Variants in SLC17A7 observed in about 807,000 individuals in gnomAD.
SLC17A7 encodes vesicular glutamate transporter 1.
Under a neutral mutation model 59.1 loss-of-function variants are expected in SLC17A7, and 15 were observed. The ratio of observed to expected loss-of-function variants is 0.25; its 90% CI spans 0.17 to 0.39. The LOEUF (loss-of-function observed/expected upper bound fraction) is 0.39, where lower values mean the gene tolerates loss of function less well. Among genes scored for constraint, SLC17A7 ranks in the 10% least tolerant of loss-of-function variants. The pLI is 1.00. For missense variants in SLC17A7, 499 were observed against 765.1 expected, an observed-to-expected ratio of 0.65 and a Z score of 4.10; for synonymous variants, 353 against 308.9, an observed-to-expected ratio of 1.14 and a Z score of -1.50.
chr19:49,433,687 A>ATC lies in SLC17A7; in HGVS notation c.867+37_867+38dup. On this transcript the variant is annotated intron_variant, in intron 7 of 11. Transcript: ENST00000221485. The surrounding 1 kb of genome is among the most constrained non-coding windows in gnomAD (Gnocchi z 5.7). ...ACGCTGTGCAGGTTCGTGGCTTGCT[A>ATC]TCTCTCCCCGCCCCTTCCCCGAAGA... 1 of 1,613,696 alleles carries ATC rather than the reference A, an allele frequency of 6.2e-7. No homozygotes were observed. Among genetic ancestry groups the ATC allele is most frequent in the South Asian group, 1.1e-5 (1 of 91,028 alleles).
chr19:49,439,655 T>C (rs556488096), intron 1 of SLC17A7, among the ~76,000 whole-genome samples: 101 of 152,306 alleles, frequency 6.6e-4, no homozygotes, highest in Non-Finnish European at 1.3e-3. Context: ...ACCTGTTGTC[T>C]CTAATATGGG....
Position 49,431,536 on chromosome 19 carries a change from AG to A in SLC17A7, c.1151-89del. The A allele has an allele frequency of 8.9e-7, 1 of 1,120,058 alleles. No individual in the cohort carries two copies. The highest frequency in any genetic ancestry group is 1.6e-5 in the African/African-American group (1 of 64,486). 69.4% of individuals were successfully genotyped at this position (1,120,058 alleles called of 1,614,324 possible). On this transcript the variant is annotated intron_variant, in intron 9 of 11. Coordinates refer to ENST00000221485, the MANE Select transcript of SLC17A7 (RefSeq NM_020309.4). This position sits in a 1 kb window ranked among gnomAD's most constrained non-coding sequence, Gnocchi z 4.6. The stretch of plus-strand genomic sequence containing the variant: ...CACACCGCCCTTCCAGACCTGCTCC[AG>A]CCCCAAACCGCGTCTATCCACCCCA...
chr19:49,434,521 C>A, intron 5 of SLC17A7, 81 bp downstream of exon 5: 3 of 1,279,120 alleles, frequency 2.3e-6, no homozygotes, highest in Admixed American at 4.7e-5. Flanking sequence ...CCCCCCCAGC[C>A]CCTCCCCGCT....
rs1480912902 is a variant in SLC17A7, at chr19:49,429,753, C to T, written c.*766G>A. The T allele has an allele frequency of 5.1e-6, 2 of 395,128 alleles. No individual in the cohort carries two copies. The highest frequency in any genetic ancestry group is 8.9e-6 in the Non-Finnish European group (2 of 224,240). The allele number at this position is 395,128 out of a possible 1,614,324, so 24.5% of individuals were successfully genotyped here. A position where few individuals can be genotyped will look rare whatever the true frequency, so the allele number is the denominator to read the frequency against. On this transcript the variant is annotated 3_prime_UTR_variant, in exon 12 of 12. Coordinates refer to ENST00000221485, the MANE Select transcript of SLC17A7 (RefSeq NM_020309.4). ...GGAGTTCAATGGTGGTAGCTTCAAA[C>T]CTTTGAGTTCATGGACTGGAGCAGC...
rs1426609450 is a variant in SLC17A7 at position 49,430,567 on chromosome 19, G to A, written c.1635C>T (p.His545=). 1.2e-6 allele frequency: 2 copies of A among 1,608,318 alleles called. No homozygotes were observed. The highest frequency in any genetic ancestry group is 2.7e-5 in the African/African-American group (2 of 74,758). ...GGGGCCTGGGGGGCTGAAATGTGCT[G>A]TGTGTGGCCCCATAGGAGGGCGGGG... ...PAPPPSYGAT[H]STFQPPRPPP... The change falls in exon 12 of 12, where the codon CAC becomes CAT. Residue 545 remains histidine, a synonymous_variant. Coordinates refer to ENST00000221485, the MANE Select transcript of SLC17A7 (RefSeq NM_020309.4).
chr19:49,436,431 A>G lies in SLC17A7; in HGVS notation c.315+118T>C, dbSNP rs949746141. 2 of 1,375,580 alleles carry G rather than the reference A, an allele frequency of 1.5e-6. No individual in the cohort carries two copies. Among genetic ancestry groups the G allele is most frequent in the Non-Finnish European group, 2.0e-6 (2 of 1,009,334 alleles). The allele number at this position is 1,375,580 out of a possible 1,614,324, so 85.2% of individuals were successfully genotyped here. ...GCACGGATTGGGCGGAGCTATTCCG[A>G]CAGCGTTTCGGAAGGGGCGTGGCCT... On this transcript the variant is annotated intron_variant, in intron 2 of 11. Coordinates refer to ENST00000221485, the MANE Select transcript of SLC17A7 (RefSeq NM_020309.4). The surrounding 1 kb of genome is among the most constrained non-coding windows in gnomAD (Gnocchi z 4.1).
chr19:49,435,937 A>T (rs1249828935), intron 2 of SLC17A7: 2 of 154,088 alleles, frequency 1.3e-5, no homozygotes, highest in African/African-American at 2.4e-5. Flanking sequence ...ATGCCGGCGC[A>T]CGCCTGTAGT....
Position 49,432,590 on chromosome 19 carries a change from T to C in SLC17A7, c.1079A>G (p.Gln360Arg). ...VMTIIVPIGG[Q>R]IADFLRSRRI... is the part of the protein sequence containing the mutation. The stretch of plus-strand genomic sequence containing the variant: ...GCGGCTCCGCAGGAAGTCCGCGATC[T>C]GGCCGCCGATGGGCACGATGATGGT... Residue 360 changes from glutamine to arginine, a missense_variant, in exon 9 of 12, where the codon CAG becomes CGG. Coordinates refer to ENST00000221485, the MANE Select transcript of SLC17A7 (RefSeq NM_020309.4). 1 of 1,612,574 alleles carries C rather than the reference T, an allele frequency of 6.2e-7. No individual in the cohort carries two copies. Among genetic ancestry groups the C allele is most frequent in the African/African-American group, 1.3e-5 (1 of 75,060 alleles).
intron 2 of SLC17A7, chr19:49,435,549 C>T: frequency 2.6e-6 from 1 of 380,786 alleles, no homozygotes; most frequent in Non-Finnish European, 4.8e-6. Context: ...TTCCTTGCCT[C>T]CATGAAAGCC....
chr19:49,431,413 C>A lies in SLC17A7; in HGVS notation c.1186G>T (p.Gly396Cys). 3 of 1,614,052 alleles carry A rather than the reference C, an allele frequency of 1.9e-6. No individual in the cohort carries two copies. Among genetic ancestry groups the A allele is most frequent in the Non-Finnish European group, 2.5e-6 (3 of 1,180,008 alleles). Residue 396 changes from glycine to cysteine, a missense_variant, in exon 10 of 12, where the codon GGC becomes TGC. Transcript: ENST00000221485. The surrounding 1 kb of genome is among the most constrained non-coding windows in gnomAD (Gnocchi z 4.6). ...GMEATLLLVV[G>C]YSHSKGVAIS... is the part of the protein sequence containing the mutation. Reference sequence around the variant, plus strand: ...GCCACGCCCTTGGAGTGCGAGTAGCCGACCACCAACAGCAGCGTGGCTTCC... The same window carrying A: ...GCCACGCCCTTGGAGTGCGAGTAGCAGACCACCAACAGCAGCGTGGCTTCC...
rs2078982013 is a variant in SLC17A7 at position 49,436,873 on chromosome 19, A to G, written c.63-72T>C. 3.9e-6 allele frequency: 6 copies of G among 1,523,194 alleles called. No homozygotes were observed. In the South Asian group the frequency reaches 7.0e-5, roughly 18 times the overall value. The allele number at this position is 1,523,194 out of a possible 1,614,324, so 94.4% of individuals were successfully genotyped here. A position where few individuals can be genotyped will look rare whatever the true frequency, so the allele number is the denominator to read the frequency against. ...CCCCTCACCCCCAAGACCAGGATCC[A>G]GGGCAAAACCTGCTTTTCAACATCC... On this transcript the variant is annotated intron_variant, in intron 1 of 11. Coordinates refer to ENST00000221485, the MANE Select transcript of SLC17A7 (RefSeq NM_020309.4). This position sits in a 1 kb window ranked among gnomAD's most constrained non-coding sequence, Gnocchi z 4.1.
intron 3 of SLC17A7, 94 bp downstream of exon 3, chr19:49,435,074 T>C: frequency 9.1e-7 from 1 of 1,100,698 alleles, no homozygotes; most frequent in Non-Finnish European, 1.4e-6. Context: ...GCTTCTCCCA[T>C]TTACCAGAGC....
intron 1 of SLC17A7, among the ~76,000 whole-genome samples, 158 bp downstream of exon 1, chr19:49,441,160 G>A (rs1470404343): frequency 2.0e-5 from 3 of 152,122 alleles, no homozygotes; most frequent in Admixed American, 6.5e-5. Context: ...CTCGACCAGG[G>A]AGAACAGCGC....
chr19:49,437,333 C>A (rs1298450673), intron 1 of SLC17A7: 4 of 160,284 alleles, frequency 2.5e-5, no homozygotes, highest in Admixed American at 2.3e-4. Flanking sequence ...TGAGTCCAGG[C>A]TGCCAGCCTA....
In SLC17A7 at chr19:49,431,253, G is replaced by A; in HGVS notation, c.1261+85C>T. 1 of 1,581,924 alleles carries A rather than the reference G, an allele frequency of 6.3e-7. No individual in the cohort carries two copies. Among genetic ancestry groups the A allele is most frequent in the South Asian group, 1.1e-5 (1 of 87,602 alleles). On this transcript the variant is annotated intron_variant, in intron 10 of 11. Transcript: ENST00000221485. The surrounding 1 kb of genome is among the most constrained non-coding windows in gnomAD (Gnocchi z 4.6). ...CCGCCACTCATGTTCCACCTTTTGT[G>A]AGGCTGAGAGGCCCCGTTCCTGAGC...
At chr19:49,440,959 G>A (rs2078997758) in intron 1 of SLC17A7, among the ~76,000 whole-genome samples, 2 of 151,894 alleles carry the variant, frequency 1.3e-5, no homozygotes, top group African/African-American at 4.8e-5. Flanking sequence ...GAAGGGAGCC[G>A]AGATCTGGAA....
rs780754715 is a variant in SLC17A7, at chr19:49,431,344, T to C, written c.1255A>G (p.Ile419Val). Residue 419 changes from isoleucine (I) to valine (V), a missense_variant, in exon 10 of 12, where the codon ATC (isoleucine) becomes GTC (valine). Around this residue, in one of 3 missense-constraint regions of SLC17A7, gnomAD observed 323 missense variants for 607.2 expected, o/e 0.53. Transcript: ENST00000221485. The surrounding 1 kb of genome is among the most constrained non-coding windows in gnomAD (Gnocchi z 4.6). ...GCGGATCCGCGGTTCTCACCAGAGA[T>C]GGCGAAGCCGCTGAAGCCCACGGCT... Reference protein sequence around the residue: ...VLAVGFSGFAISGFNVNHLDI... With the variant: ...VLAVGFSGFAVSGFNVNHLDI... 1 of 1,613,988 alleles carries C rather than the reference T, an allele frequency of 6.2e-7. No homozygotes were observed. Among genetic ancestry groups the C allele is most frequent in the Admixed American group, 1.7e-5 (1 of 60,018 alleles).
chr19:49,436,753 C>A lies in SLC17A7; in HGVS notation c.111G>T (p.Ala37=), dbSNP rs146802692. The change falls in exon 2 of 12, where the codon GCG becomes GCT. Residue 37 remains alanine (A), a synonymous_variant. Transcript: ENST00000221485. This position sits in a 1 kb window ranked among gnomAD's most constrained non-coding sequence, Gnocchi z 4.1. The part of the protein sequence containing the change: ...QEGAETLELS[A]DGRPVTTQTR... ...TCTGCGTGGTCACCGGGCGCCCATC[C>A]GCACTCAGCTCCAGCGTCTCCGCGC... is the stretch of plus-strand genomic sequence containing the variant. 6 of 1,608,712 alleles carry A rather than the reference C, an allele frequency of 3.7e-6. No individual in the cohort carries two copies. Among genetic ancestry groups the A allele is most frequent in the Non-Finnish European group, 4.2e-6 (5 of 1,179,910 alleles).
intron 1 of SLC17A7, among the ~76,000 whole-genome samples, chr19:49,439,217 C>T (rs2078990802): frequency 6.6e-6 from 1 of 152,134 alleles, no homozygotes; most frequent in Non-Finnish European, 1.5e-5. Flanking sequence ...CTGTCCACTC[C>T]CCCACGTCTT....
Sources: gnomAD v4.1 joint callset for allele counts (sites outside exome capture counted in the v4.1 genomes callset) on GRCh38, gnomAD v4.1.1 for gene constraint, gnomAD v4.1.1 regional missense constraint, Gnocchi (gnomAD v3.1) non-coding constraint, MANE v1.5 for transcripts, NCBI Gene and HGNC (gene_info 2026-07-23, HGNC 2026-07-21) for gene names.